OXR1: variants seen among roughly 807,000 people sequenced by gnomAD.
OXR1 encodes oxidation resistance 1.
Under a neutral mutation model 104.6 loss-of-function variants are expected in OXR1, and 41 were observed. The ratio of observed to expected loss-of-function variants is 0.39; its 90% CI spans 0.31 to 0.51. OXR1 has a LOEUF of 0.51. OXR1 is among the 20% of genes least tolerant of loss of function. OXR1 has a pLI of 0.77. For synonymous variants in OXR1, 348 were observed against 348.4 expected, an observed-to-expected ratio of 1.00 and a Z score of 0.01; for missense variants, 955 against 1,031.9, an observed-to-expected ratio of 0.93 and a Z score of 1.02.
chr8:106,697,303 C>T (rs1830140543), intron 7 of OXR1: 2 of 792,274 alleles, frequency 2.5e-6, no homozygotes, highest in East Asian at 2.5e-5. Context: ...GGCTGAACCC[C>T]TCACCCTGAC....
intron 2 of OXR1, among the ~76,000 whole-genome samples, chr8:106,428,403 A>G (rs1819220668): frequency 6.6e-6 from 1 of 152,192 alleles, no homozygotes; most frequent in Non-Finnish European, 1.5e-5. Context: ...TAGACTTGTT[A>G]CATGGCCATC....
Position 106,707,140 on chromosome 8 carries a change from T to C in OXR1, c.1619T>C (p.Ile540Thr), listed in dbSNP as rs781048461. Residue 540 changes from isoleucine to threonine, a missense_variant, in exon 9 of 17, where the codon ATA becomes ACA. Coordinates refer to ENST00000517566, the MANE Select transcript of OXR1 (RefSeq NM_001198533.2). ...KHKITSADGHIESSALLKEKQ... is the reference protein window; with the variant it reads ...KHKITSADGHTESSALLKEKQ... ...AAAATTACATCTGCTGATGGACACA[T>C]AGAAAGTAAGTGTTATAGAGTAAAT... 2 of 1,612,756 alleles carry C rather than the reference T, an allele frequency of 1.2e-6. No individual in the cohort carries two copies. Among genetic ancestry groups the C allele is most frequent in the Non-Finnish European group, 8.5e-7 (1 of 1,178,968 alleles).
At chr8:106,386,219 C>T (rs1370844084) in intron 2 of OXR1, among the ~76,000 whole-genome samples, 1 of 152,134 alleles carries the variant, frequency 6.6e-6, no homozygotes, top group Non-Finnish European at 1.5e-5. Flanking sequence ...CTAGTGGATG[C>T]AGAGGGCTTC....
chr8:106,628,867 A>T (rs1280266886), intron 3 of OXR1, among the ~76,000 whole-genome samples: 1 of 152,102 alleles, frequency 6.6e-6, no homozygotes, highest in Non-Finnish European at 1.5e-5. Context: ...ATATCTGTTG[A>T]ACAACTGAAG....
intron 1 of OXR1, among the ~76,000 whole-genome samples, chr8:106,302,347 C>T (rs1432048820): frequency 3.3e-5 from 5 of 152,098 alleles, no homozygotes. Context: ...CTTTGGGAGG[C>T]CGAGGCGGGT....
Position 106,610,230 on chromosome 8 carries a change from A to G in OXR1, c.221-68980A>G, listed in dbSNP as rs780671720. ...CTGCTACAATCCAAAAATTCTGTCT[A>G]TTCAACCCTGCAAATTCTCATCAGT... On this transcript the variant is annotated intron_variant, in intron 3 of 16. Transcript: ENST00000517566. Among the ~76,000 whole-genome samples, 34 of 151,740 alleles carry G rather than the reference A, an allele frequency of 2.2e-4. 1 individual carries two copies. Among genetic ancestry groups the G allele is most frequent in the Non-Finnish European group, 8.8e-5 (6 of 67,994 alleles).
At chr8:106,627,018 T>C (rs1412742247) in intron 3 of OXR1, among the ~76,000 whole-genome samples, 3 of 152,104 alleles carry the variant, frequency 2.0e-5, no homozygotes, top group Non-Finnish European at 2.9e-5. Context: ...CTCTCGTGTC[T>C]ACAACAACCT....
chr8:106,444,232 CT>C (rs1423257901), intron 2 of OXR1, among the ~76,000 whole-genome samples: 3 of 152,292 alleles, frequency 2.0e-5, no homozygotes, highest in East Asian at 3.9e-4. Flanking sequence ...TGCTTTTACA[CT>C]GTTGGTGAGA....
At chr8:106,332,728 T>C (rs1814774193) in intron 1 of OXR1, among the ~76,000 whole-genome samples, 1 of 152,178 alleles carries the variant, frequency 6.6e-6, no homozygotes, top group African/African-American at 2.4e-5. Flanking sequence ...AATTCCAGAA[T>C]ATTTCCATCA....
At chr8:106,316,277 A>C (rs1813933302) in intron 1 of OXR1, among the ~76,000 whole-genome samples, 1 of 152,214 alleles carries the variant, frequency 6.6e-6, no homozygotes, top group Non-Finnish European at 1.5e-5. Flanking sequence ...CTCTGTCAAA[A>C]TAGACAAACC....
At chr8:106,593,300 C>A (rs1416611180) in intron 3 of OXR1, among the ~76,000 whole-genome samples, 1 of 152,180 alleles carries the variant, frequency 6.6e-6, no homozygotes, top group Non-Finnish European at 1.5e-5. Flanking sequence ...CCAAACTGAG[C>A]TCCCTGACAC....
intron 3 of OXR1, among the ~76,000 whole-genome samples, chr8:106,580,682 A>G (rs1291295151): frequency 6.6e-6 from 1 of 152,086 alleles, no homozygotes; most frequent in Non-Finnish European, 1.5e-5. Context: ...ATTATTTTAC[A>G]TCCTACCAAT....
chr8:106,394,344 A>G (rs897598242), intron 2 of OXR1, among the ~76,000 whole-genome samples: 2 of 151,910 alleles, frequency 1.3e-5, no homozygotes, highest in African/African-American at 4.8e-5. Flanking sequence ...TACAAAATTA[A>G]CCACATGCTT....
At chr8:106,657,902 G>A in intron 3 of OXR1, 1 of 1,246,420 alleles carries the variant, frequency 8.0e-7, no homozygotes, top group Non-Finnish European at 1.0e-6. Flanking sequence ...AGGTCTGATG[G>A]GCCGGTGGGC....
Position 106,298,499 on chromosome 8 carries a change from G to T in OXR1, c.-139+28132G>T, listed in dbSNP as rs143038990. On this transcript the variant is annotated intron_variant, in intron 1 of 16. Transcript: ENST00000517566. ...GAGCTACAGTTCAAGATGAGAATTT[G>T]TTGGGGACCCAGCCAGACCATATCA... 1.6e-3 allele frequency among the ~76,000 whole-genome samples: 248 copies of T among 152,240 alleles called. 2 individuals carry two copies. The highest frequency in any genetic ancestry group is 5.7e-3 in the African/African-American group (236 of 41,528).
intron 3 of OXR1, chr8:106,617,884 T>C: frequency 3.9e-6 from 1 of 256,372 alleles, no homozygotes. Context: ...TAACGTATCA[T>C]ACAGAGCATG....
At chr8:106,527,684 G>A (rs951335067) in intron 3 of OXR1, among the ~76,000 whole-genome samples, 1 of 152,160 alleles carries the variant, frequency 6.6e-6, no homozygotes, top group Non-Finnish European at 1.5e-5. Context: ...TACATTTCAA[G>A]CATTTTAATA....
chr8:106,571,221 A>G (rs1198873252), intron 3 of OXR1, among the ~76,000 whole-genome samples: 1 of 152,132 alleles, frequency 6.6e-6, no homozygotes, highest in Admixed American at 6.6e-5. Flanking sequence ...GGTGGTTTAA[A>G]CCAGAGAAAT....
chr8:106,501,833 G>A (rs1614808), intron 2 of OXR1, among the ~76,000 whole-genome samples: 104,299 of 152,088 alleles, frequency 0.69, 36,223 homozygotes, highest in Non-Finnish European at 0.72. Flanking sequence ...ATCAAATCAT[G>A]TATTCTTAGA....
Sources: gnomAD v4.1 joint callset for allele counts (sites outside exome capture counted in the v4.1 genomes callset) on GRCh38, gnomAD v4.1.1 for gene constraint, MANE v1.5 for transcripts, NCBI Gene and HGNC (gene_info 2026-07-23, HGNC 2026-07-21) for gene names.